ZGPAT: variants seen among roughly 807,000 people sequenced by gnomAD.
ZGPAT encodes zinc finger CCCH-type and G-patch domain containing.
Under a neutral mutation model 47.9 loss-of-function variants are expected in ZGPAT, and 39 were observed. That is an observed-to-expected ratio of 0.81 (90% confidence interval 0.63 to 1.06). The LOEUF is 1.06. Among genes scored for constraint, ZGPAT ranks in the 50% least tolerant of loss-of-function variants. The pLI, the probability that ZGPAT is intolerant of heterozygous loss-of-function variation, is 0.00. For missense variants in ZGPAT, 717 were observed against 681.4 expected, an observed-to-expected ratio of 1.05 and a Z score of -0.58; for synonymous variants, 348 against 292.9, an observed-to-expected ratio of 1.19 and a Z score of -1.92.
chr20:63,711,718 G>C (rs2091670184), intron 2 of ZGPAT, among the ~76,000 whole-genome samples: 1 of 152,072 alleles, frequency 6.6e-6, no homozygotes, highest in African/African-American at 2.4e-5. Context: ...AAGTAGCTGG[G>C]ATTACAGGCG....
chr20:63,717,327 C>CTTTTTTT (rs2091739812), intron 2 of ZGPAT, among the ~76,000 whole-genome samples: 1 of 93,472 alleles, frequency 1.1e-5, no homozygotes, highest in Admixed American at 1.1e-4. Flanking sequence ...TCTCTTTTTT[C>CTTTTTTT]TTTTCTTTTT....
intron 2 of ZGPAT, among the ~76,000 whole-genome samples, chr20:63,728,560 G>T (rs978095827): frequency 5.3e-5 from 8 of 152,172 alleles, no homozygotes; most frequent in African/African-American, 1.9e-4. Context: ...ACCTGCAGTG[G>T]TTTCCTCAAG....
At chr20:63,720,700 C>T (rs2091778703) in intron 2 of ZGPAT, among the ~76,000 whole-genome samples, 1 of 150,074 alleles carries the variant, frequency 6.7e-6, no homozygotes, top group Non-Finnish European at 1.5e-5. Context: ...GCAGTCATCC[C>T]ACCTTGGCCT....
At chr20:63,711,787 C>T (rs2091671280) in intron 2 of ZGPAT, among the ~76,000 whole-genome samples, 1 of 152,092 alleles carries the variant, frequency 6.6e-6, no homozygotes, top group East Asian at 1.9e-4. Flanking sequence ...AGGGTTTCAC[C>T]ATGTTGGCCA....
rs142529769 is a variant in ZGPAT, at chr20:63,716,187, A to G, written c.584+7023A>G. Among the ~76,000 whole-genome samples the G allele has an allele frequency of 4.1e-4, 62 of 152,194 alleles. No individual in the cohort carries two copies. The East Asian group carries it at 0.011, about 28-fold the overall frequency. On this transcript the variant is annotated intron_variant, in intron 2 of 6. Coordinates refer to ENST00000355969, the MANE Select transcript of ZGPAT (RefSeq NM_181485.3). ...TCGGACTACAGGCGCACGCCAGCATACCTGGCTAATTTTTGTATTTTTAGT... is the reference window on the plus strand; with the variant it reads ...TCGGACTACAGGCGCACGCCAGCATGCCTGGCTAATTTTTGTATTTTTAGT...
chr20:63,731,346 T>TTGA (rs10689862), intron 2 of ZGPAT, among the ~76,000 whole-genome samples: 2 of 148,176 alleles, frequency 1.3e-5, no homozygotes, highest in East Asian at 4.2e-4. Context: ...CAGTTGGCCC[T>TTGA]TGTGTGTGTG....
At position 63,733,303 on chromosome 20, in the gene ZGPAT, G is replaced by C. The variant is rs778183397; in HGVS notation, c.669G>C (p.Ala223=). ...TGAGCTCCCTGCAGGCCGGCTCTGC[G>C]TGTCTGGCCAAGCACCAGGATGGCC... is the stretch of plus-strand genomic sequence containing the variant. ...PDLSSLQAGS[A]CLAKHQDGLW... Residue 223 remains alanine, a synonymous_variant, in exon 3 of 7, where the codon GCG becomes GCC. Coordinates refer to ENST00000355969, the MANE Select transcript of ZGPAT (RefSeq NM_181485.3). 1.5e-5 allele frequency: 25 copies of C among 1,613,470 alleles called. No individual in the cohort carries two copies. The highest frequency in any genetic ancestry group is 6.7e-5 in the African/African-American group (5 of 75,022).
chr20:63,734,651 G>A (rs773436970), intron 4 of ZGPAT, 54 bp from the exon 5 acceptor site: 13 of 1,600,072 alleles, frequency 8.1e-6, no homozygotes, highest in Non-Finnish European at 8.5e-6. Flanking sequence ...GCAGTGGTGG[G>A]GTCGGACGCC....
At chr20:63,731,897 T>C (rs1283774700) in intron 2 of ZGPAT, among the ~76,000 whole-genome samples, 1 of 152,216 alleles carries the variant, frequency 6.6e-6, no homozygotes, top group African/African-American at 2.4e-5. Flanking sequence ...CTGCAAGTAA[T>C]CTAGGGATGA....
At position 63,736,079 on chromosome 20, in the gene ZGPAT, C is replaced by T; in HGVS notation, c.*160C>T. On this transcript the variant is annotated 3_prime_UTR_variant, in exon 7 of 7. Coordinates refer to ENST00000355969, the MANE Select transcript of ZGPAT (RefSeq NM_181485.3). ...GGGTCCCATCTGGACACTTACTTGC[C>T]CACCTGCCAGTGTCTTGGGCATTTC... 3.0e-6 allele frequency: 3 copies of T among 1,010,468 alleles called. No homozygotes were observed. The South Asian group carries it at 5.1e-5, about 17-fold the overall frequency. 62.6% of individuals were successfully genotyped at this position (1,010,468 alleles called of 1,614,324 possible).
chr20:63,713,052 C>T (rs1037724701), intron 2 of ZGPAT, among the ~76,000 whole-genome samples: 1 of 151,692 alleles, frequency 6.6e-6, no homozygotes, highest in African/African-American at 2.4e-5. Flanking sequence ...ATTTTTGATG[C>T]TTCTCTAAGG....
At chr20:63,710,671 G>T (rs541619435) in intron 2 of ZGPAT, among the ~76,000 whole-genome samples, 11 of 152,060 alleles carry the variant, frequency 7.2e-5, no homozygotes, top group Admixed American at 3.3e-4. Context: ...GAAGTTACTG[G>T]TTTTTTCCAA....
intron 2 of ZGPAT, among the ~76,000 whole-genome samples, chr20:63,710,222 C>T (rs561637743): frequency 1.3e-5 from 2 of 150,022 alleles, no homozygotes; most frequent in African/African-American, 4.9e-5. Context: ...GGCGCAATCT[C>T]AGCTTACCGC....
Position 63,708,913 on chromosome 20 carries a change from A to C in ZGPAT, c.333A>C (p.Pro111=). 6.2e-7 allele frequency: 1 copy of C among 1,612,202 alleles called. No individual in the cohort carries two copies. The highest frequency in any genetic ancestry group is 1.1e-5 in the South Asian group (1 of 91,016). The change falls in exon 2 of 7, where the codon CCA becomes CCC. Residue 111 remains proline, a synonymous_variant. Coordinates refer to ENST00000355969, the MANE Select transcript of ZGPAT (RefSeq NM_181485.3). ...CCGTTCCTAAAGCAGAGGCGGGGCCAGAATCTGCGGCAGGTGGGCAGGAGG... is the reference window on the plus strand; with the variant it reads ...CCGTTCCTAAAGCAGAGGCGGGGCCCGAATCTGCGGCAGGTGGGCAGGAGG... ...SETVPKAEAG[P]ESAAGGQEEE...
chr20:63,719,740 T>C (rs902116813), intron 2 of ZGPAT, among the ~76,000 whole-genome samples: 6 of 151,424 alleles, frequency 4.0e-5, no homozygotes, highest in Non-Finnish European at 7.4e-5. Flanking sequence ...TATTTAGTTA[T>C]TAATTTTTTT....
At position 63,733,343 on chromosome 20, in the gene ZGPAT, C is replaced by T. The variant is rs145256068; in HGVS notation, c.709C>T (p.Arg237Cys). 35 of 1,611,374 alleles carry T rather than the reference C, an allele frequency of 2.2e-5. 1 individual carries two copies. The highest frequency in any genetic ancestry group is 1.0e-4 in the Admixed American group (6 of 59,920). ...CCAGGATGGCCTCTGGCACGCAGCACGCATCACCGGTGAGGCTGGCCGTGG... is the reference window on the plus strand; with the variant it reads ...CCAGGATGGCCTCTGGCACGCAGCATGCATCACCGGTGAGGCTGGCCGTGG... ...KHQDGLWHAA[R>C]ITDVDNGYYT... Residue 237 changes from arginine (R) to cysteine (C), a missense_variant, in exon 3 of 7, where the codon CGC (arginine) becomes TGC (cysteine). Physicochemically the swap from Arg to Cys is radical, Grantham distance 180. Coordinates refer to ENST00000355969, the MANE Select transcript of ZGPAT (RefSeq NM_181485.3).
intron 2 of ZGPAT, among the ~76,000 whole-genome samples, chr20:63,716,179 G>A (rs372679958): frequency 1.3e-5 from 2 of 152,050 alleles, no homozygotes; most frequent in East Asian, 1.9e-4. Context: ...ACAGGCGCAC[G>A]CCAGCATACC....
At position 63,735,381 on chromosome 20, in the gene ZGPAT, A is replaced by C. The variant is rs767662975; in HGVS notation, c.1214A>C (p.Gln405Pro). 2 of 1,554,200 alleles carry C rather than the reference A, an allele frequency of 1.3e-6. No individual in the cohort carries two copies. Among genetic ancestry groups the C allele is most frequent in the Admixed American group, 2.0e-5 (1 of 49,932 alleles). The change falls in exon 6 of 7, where the codon CAG (glutamine) becomes CCG (proline). Residue 405 changes from glutamine (Q) to proline (P), a missense_variant. Gln to Pro is a moderately conservative substitution (Grantham distance 76). Transcript: ENST00000355969. The stretch of plus-strand genomic sequence containing the variant: ...TTCCTCAATGAAAAGCTGCAAGGTC[A>C]GGCTCCTGGGGCCCTAGAAGCCGGG... Reference protein sequence around the residue: ...FDFLNEKLQGQAPGALEAGAA... With the variant: ...FDFLNEKLQGPAPGALEAGAA...
At chr20:63,719,583 T>TA (rs1283489164) in intron 2 of ZGPAT, among the ~76,000 whole-genome samples, 3 of 152,138 alleles carry the variant, frequency 2.0e-5, no homozygotes, top group Admixed American at 1.3e-4. Context: ...TCACTACAGT[T>TA]ACTGTACTTT....
Sources: gnomAD v4.1 joint callset for allele counts (sites outside exome capture counted in the v4.1 genomes callset) on GRCh38, gnomAD v4.1.1 for gene constraint, MANE v1.5 for transcripts, NCBI Gene and HGNC (gene_info 2026-07-23, HGNC 2026-07-21) for gene names.